BANK1: variants seen among roughly 807,000 people sequenced by gnomAD.
BANK1 encodes B cell scaffold protein with ankyrin repeats 1.
BANK1 carries 95 observed loss-of-function variants against 94.5 expected under a neutral mutation model. The observed-to-expected ratio is 1.00, with a 90% CI of 0.85 to 1.19. BANK1 has a LOEUF of 1.19. BANK1 is among the 50% of genes most tolerant of loss of function. The probability of loss-of-function intolerance (pLI) is 0.00; values close to 1 mark genes in which losing one functional copy is unlikely to be tolerated. For synonymous variants in BANK1, 334 were observed against 308.4 expected (o/e 1.08, Z -0.87); for missense variants, 987 against 932.2 (o/e 1.06, Z -0.77).
chr4:101,955,472 CTT>C (rs531957553), intron 7 of BANK1, among the ~76,000 whole-genome samples: 1 of 151,264 alleles, frequency 6.6e-6, no homozygotes, highest in Non-Finnish European at 1.5e-5. Context: ...GAGCCAGTGT[CTT>C]TTTTTTTCCT....
chr4:101,830,267 G>A (rs1726566112), intron 2 of BANK1, 61 bp downstream of exon 2: 2 of 1,358,192 alleles, frequency 1.5e-6, no homozygotes, highest in Non-Finnish European at 1.9e-6. Flanking sequence ...TGTAATTAAA[G>A]AATTGCAAGT....
intron 7 of BANK1, among the ~76,000 whole-genome samples, chr4:102,021,158 A>G (rs1726883562): frequency 4.4e-5 from 1 of 22,610 alleles, no homozygotes; most frequent in Non-Finnish European, 1.3e-4. Context: ...TAAAAGATAT[A>G]GAATGTTCAA....
intron 2 of BANK1, among the ~76,000 whole-genome samples, chr4:101,834,440 T>C (rs1343274013): frequency 6.6e-6 from 1 of 152,208 alleles, no homozygotes; most frequent in East Asian, 1.9e-4. Context: ...TATAGTTGTA[T>C]TTCCAAGTCT....
chr4:102,070,927 T>C (rs1728735438), intron 13 of BANK1, among the ~76,000 whole-genome samples: 1 of 152,246 alleles, frequency 6.6e-6, no homozygotes, highest in Non-Finnish European at 1.5e-5. Context: ...AATTGAATTG[T>C]ATGTAATTAT....
chr4:101,854,005 A>G (rs1403205535), intron 2 of BANK1, among the ~76,000 whole-genome samples: 1 of 152,044 alleles, frequency 6.6e-6, no homozygotes, highest in African/African-American at 2.4e-5. Context: ...GGCCTTGTCT[A>G]ATTTCGATGT....
chr4:101,885,905 A>G (rs13135361), intron 5 of BANK1, among the ~76,000 whole-genome samples: 10,862 of 152,320 alleles, frequency 0.071, 625 homozygotes, highest in Admixed American at 0.18. Flanking sequence ...TGTATAGAAC[A>G]TTAATGTACT....
Position 102,071,323 on chromosome 4 carries a change from T to C in BANK1, c.2242+19T>C. 6.2e-7 allele frequency: 1 copy of C among 1,611,672 alleles called. No individual in the cohort carries two copies. The highest frequency in any genetic ancestry group is 8.5e-7 in the Non-Finnish European group (1 of 1,177,846). On this transcript the variant is annotated intron_variant, in intron 14 of 16. Coordinates refer to ENST00000322953, the MANE Select transcript of BANK1 (RefSeq NM_017935.5). ...CCAGGTGGTAAGTGCTTGGTATTTATTGAAGGATCTAAGACTAAAACAAAG... is the reference window on the plus strand; with the variant it reads ...CCAGGTGGTAAGTGCTTGGTATTTACTGAAGGATCTAAGACTAAAACAAAG...
chr4:101,916,573 A>T (rs987152774), intron 6 of BANK1, among the ~76,000 whole-genome samples: 69 of 152,124 alleles, frequency 4.5e-4, no homozygotes, highest in African/African-American at 1.6e-3. Context: ...ATCTTTGTAG[A>T]GACTGCCTCA....
At chr4:101,886,094 T>C (rs533100057) in intron 5 of BANK1, among the ~76,000 whole-genome samples, 33 of 152,334 alleles carry the variant, frequency 2.2e-4, no homozygotes, top group Non-Finnish European at 8.8e-5. Context: ...AAAATATTCT[T>C]ATGCATTACA....
At chr4:101,931,873 G>A (rs1176787647) in intron 7 of BANK1, among the ~76,000 whole-genome samples, 1 of 151,362 alleles carries the variant, frequency 6.6e-6, no homozygotes, top group Non-Finnish European at 1.5e-5. Flanking sequence ...GCCCTAGAAG[G>A]CAGACAGAGA....
chr4:102,030,572 A>C (rs765339171), intron 10 of BANK1, among the ~76,000 whole-genome samples: 30 of 151,340 alleles, frequency 2.0e-4, no homozygotes, highest in Non-Finnish European at 4.3e-4. Flanking sequence ...TCCTAATGTT[A>C]TCTCTCCCCC....
intron 2 of BANK1, among the ~76,000 whole-genome samples, chr4:101,851,091 A>G (rs1374212181): frequency 6.6e-6 from 1 of 152,216 alleles, no homozygotes; most frequent in East Asian, 1.9e-4. Context: ...TTAAAAGCCA[A>G]TATAGGTAGA....
chr4:101,938,262 A>C (rs1723638842), intron 7 of BANK1, among the ~76,000 whole-genome samples: 3 of 151,722 alleles, frequency 2.0e-5, no homozygotes, highest in African/African-American at 7.2e-5. Context: ...AATTGAACAC[A>C]TAGAGATAGG....
intron 6 of BANK1, among the ~76,000 whole-genome samples, chr4:101,913,450 C>A (rs1448739354): frequency 6.6e-6 from 1 of 152,108 alleles, no homozygotes; most frequent in Non-Finnish European, 1.5e-5. Flanking sequence ...AAACCTCTAA[C>A]AAACACTTCA....
intron 7 of BANK1, among the ~76,000 whole-genome samples, chr4:101,957,720 G>A (rs576484201): frequency 2.6e-5 from 4 of 152,240 alleles, no homozygotes; most frequent in African/African-American, 4.8e-5. Context: ...TGAAGATCCT[G>A]ATGCTGTAAG....
intron 1 of BANK1, among the ~76,000 whole-genome samples, chr4:101,803,724 G>A (rs538306145): frequency 7.1e-4 from 108 of 152,080 alleles, no homozygotes; most frequent in Non-Finnish European, 9.3e-4. Flanking sequence ...AAGGCCGGGC[G>A]CGGTGGCTCA....
intron 7 of BANK1, among the ~76,000 whole-genome samples, chr4:102,001,660 C>A (rs755270280): frequency 2.0e-5 from 3 of 152,104 alleles, no homozygotes; most frequent in Non-Finnish European, 2.9e-5. Context: ...GAGTGAAGGG[C>A]GCAGTCAACC....
intron 7 of BANK1, among the ~76,000 whole-genome samples, chr4:101,992,660 C>T (rs918367896): frequency 6.6e-6 from 1 of 152,142 alleles, no homozygotes; most frequent in African/African-American, 2.4e-5. Flanking sequence ...AACTTCTCCC[C>T]ACCTGGCTTC....
intron 4 of BANK1, among the ~76,000 whole-genome samples, chr4:101,865,536 G>T (rs1465788304): frequency 6.6e-6 from 1 of 152,096 alleles, no homozygotes; most frequent in Non-Finnish European, 1.5e-5. Flanking sequence ...CTACTCTCCA[G>T]AAGAAAACAC....
Sources: gnomAD v4.1 joint callset for allele counts (sites outside exome capture counted in the v4.1 genomes callset) on GRCh38, gnomAD v4.1.1 for gene constraint, MANE v1.5 for transcripts, NCBI Gene and HGNC (gene_info 2026-07-23, HGNC 2026-07-21) for gene names.